CADPS: variants seen among roughly 807,000 people sequenced by gnomAD.
CADPS encodes calcium dependent secretion activator, also known as calcium-dependent secretion activator 1.
Under a neutral mutation model 167.3 loss-of-function variants are expected in CADPS, and 57 were observed. That is an observed-to-expected ratio of 0.34 (90% CI 0.28 to 0.42). The LOEUF (loss-of-function observed/expected upper bound fraction) is 0.42. Ranked by LOEUF, CADPS falls within the 20% of genes least tolerant of loss-of-function variation. CADPS has a pLI of 1.00. For synonymous variants in CADPS, 676 were observed against 635.3 expected, an observed-to-expected ratio of 1.06 and a Z score of -0.96; for missense variants, 1,414 against 1,738.1, an observed-to-expected ratio of 0.81 and a Z score of 3.32.
chr3:62,504,091 C>G (rs1036298314), intron 17 of CADPS, among the ~76,000 whole-genome samples: 1 of 152,002 alleles, frequency 6.6e-6, no homozygotes, highest in African/African-American at 2.4e-5. Context: ...AATATTCTGG[C>G]AAAAATCATC....
intron 1 of CADPS, among the ~76,000 whole-genome samples, chr3:62,849,721 T>C (rs2153092546): frequency 6.9e-6 from 1 of 144,742 alleles, no homozygotes; most frequent in Admixed American, 6.9e-5. Flanking sequence ...TCATCAAGGA[T>C]ATTGGTCTAC....
chr3:62,804,722 T>A (rs955034488), intron 1 of CADPS, among the ~76,000 whole-genome samples: 1 of 152,150 alleles, frequency 6.6e-6, no homozygotes, highest in African/African-American at 2.4e-5. Context: ...TGCTTTAATA[T>A]TGGGAGGCTG....
intron 3 of CADPS, among the ~76,000 whole-genome samples, chr3:62,682,024 G>T (rs1191911117): frequency 1.3e-5 from 2 of 152,064 alleles, no homozygotes; most frequent in African/African-American, 4.8e-5. Flanking sequence ...TTGTCGGGCT[G>T]TCTTATTAAC....
At chr3:62,644,535 C>G (rs530463992) in intron 6 of CADPS, among the ~76,000 whole-genome samples, 15 of 152,142 alleles carry the variant, frequency 9.9e-5, no homozygotes, top group Non-Finnish European at 2.1e-4. Flanking sequence ...CAAAATACAT[C>G]TCCAATGCAT....
At chr3:62,464,923 T>C (rs555677842) in intron 26 of CADPS, among the ~76,000 whole-genome samples, 112 of 152,238 alleles carry the variant, frequency 7.4e-4, no homozygotes, top group Non-Finnish European at 1.4e-3. Flanking sequence ...ATGTAGGCAA[T>C]TCAGTTAAGA....
intron 8 of CADPS, among the ~76,000 whole-genome samples, chr3:62,579,024 G>C (rs979732446): frequency 2.6e-5 from 4 of 152,168 alleles, no homozygotes; most frequent in Non-Finnish European, 4.4e-5. Flanking sequence ...AAGGGGAAAA[G>C]AGATTTTAAG....
chr3:62,816,230 A>G (rs977419552), intron 1 of CADPS, among the ~76,000 whole-genome samples: 4 of 152,138 alleles, frequency 2.6e-5, no homozygotes, highest in Non-Finnish European at 5.9e-5. Context: ...TTCCCATTTT[A>G]ACTGTTTCTG....
At chr3:62,728,225 A>C (rs1332534148) in intron 3 of CADPS, among the ~76,000 whole-genome samples, 1 of 151,740 alleles carries the variant, frequency 6.6e-6, no homozygotes, top group African/African-American at 2.4e-5. Context: ...TGAAACTCAA[A>C]TCCAAAAGGG....
chr3:62,529,091 G>A (rs1372159543), intron 13 of CADPS, among the ~76,000 whole-genome samples: 1 of 152,134 alleles, frequency 6.6e-6, no homozygotes, highest in African/African-American at 2.4e-5. Flanking sequence ...AGCTCATGAG[G>A]CGGAGGTTGC....
Position 62,532,869 on chromosome 3 carries a change from A to G in CADPS, c.2291+2T>C, listed in dbSNP as rs767028101. 6.2e-7 allele frequency: 1 copy of G among 1,613,226 alleles called. No individual in the cohort carries two copies. The highest frequency in any genetic ancestry group is 1.1e-5 in the South Asian group (1 of 91,042). On this transcript the variant is annotated splice_donor_variant, in intron 13 of 29. Coordinates refer to ENST00000383710, the MANE Select transcript of CADPS (RefSeq NM_003716.4). LOFTEE classifies it high-confidence loss of function. ...CCTCTAGACACACGAACACACACTT[A>G]CCTGTTCCCATGGACATGGGATGCA... is the stretch of plus-strand genomic sequence containing the variant.
intron 28 of CADPS, among the ~76,000 whole-genome samples, chr3:62,426,849 T>C (rs1445024762): frequency 2.0e-5 from 3 of 150,846 alleles, no homozygotes; most frequent in Admixed American, 1.3e-4. Flanking sequence ...GGGCAGATCA[T>C]GAGGTCAGGA....
At chr3:62,506,999 C>T (rs1052735671) in intron 17 of CADPS, among the ~76,000 whole-genome samples, 1 of 152,194 alleles carries the variant, frequency 6.6e-6, no homozygotes, top group East Asian at 1.9e-4. Context: ...CTGAGACCAA[C>T]TCCTTCATGG....
At chr3:62,611,250 G>C (rs1307502911) in intron 6 of CADPS, among the ~76,000 whole-genome samples, 1 of 152,134 alleles carries the variant, frequency 6.6e-6, no homozygotes, top group Non-Finnish European at 1.5e-5. Flanking sequence ...TAGGCCCAAA[G>C]TGTAGAGTCA....
chr3:62,529,668 G>A (rs1577276976), intron 13 of CADPS, among the ~76,000 whole-genome samples: 1 of 152,154 alleles, frequency 6.6e-6, no homozygotes, highest in Non-Finnish European at 1.5e-5. Context: ...TTCCCTATTG[G>A]ACCCGCATAT....
chr3:62,586,717 G>A (rs1245374872), intron 7 of CADPS, among the ~76,000 whole-genome samples: 1 of 152,166 alleles, frequency 6.6e-6, no homozygotes, highest in Non-Finnish European at 1.5e-5. Context: ...GGCTGTCAAT[G>A]TTTTTTGATC....
At chr3:62,559,882 A>T (rs1233556555) in intron 9 of CADPS, among the ~76,000 whole-genome samples, 1 of 151,938 alleles carries the variant, frequency 6.6e-6, no homozygotes, top group East Asian at 1.9e-4. Context: ...AGAGTTGCCG[A>T]CACTCACTTA....
intron 27 of CADPS, among the ~76,000 whole-genome samples, chr3:62,444,390 T>G (rs2056868694): frequency 6.6e-6 from 1 of 152,182 alleles, no homozygotes; most frequent in Admixed American, 6.5e-5. Context: ...GTTCTATGTA[T>G]GTTGTGTCAT....
intron 21 of CADPS, among the ~76,000 whole-genome samples, chr3:62,483,523 A>G (rs2062341677): frequency 6.6e-6 from 1 of 152,116 alleles, no homozygotes. Context: ...AGAATGCAAA[A>G]TTGTCTACCT....
At chr3:62,606,163 C>T (rs893629831) in intron 6 of CADPS, among the ~76,000 whole-genome samples, 4 of 152,036 alleles carry the variant, frequency 2.6e-5, no homozygotes, top group African/African-American at 9.7e-5. Flanking sequence ...TTCCTCCTGC[C>T]CACTTGATGT....
Sources: gnomAD v4.1 joint callset for allele counts (sites outside exome capture counted in the v4.1 genomes callset) on GRCh38, gnomAD v4.1.1 for gene constraint, MANE v1.5 for transcripts, NCBI Gene and HGNC (gene_info 2026-07-23, HGNC 2026-07-21) for gene names.